HELLS: variants seen among roughly 807,000 people sequenced by gnomAD.
HELLS encodes the protein helicase, lymphoid specific.
Under a neutral mutation model 120.0 loss-of-function variants are expected in HELLS, and 32 were observed. That is an observed-to-expected ratio of 0.27 (90% CI 0.20 to 0.36). The LOEUF is 0.36. Ranked by LOEUF, HELLS falls within the 10% of genes least tolerant of loss-of-function variation. The pLI is 1.00. For synonymous variants in HELLS, 341 were observed against 323.4 expected, an observed-to-expected ratio of 1.05 and a Z score of -0.58; for missense variants, 650 against 993.4, an observed-to-expected ratio of 0.65 and a Z score of 4.65.
At chr10:94,559,918 G>C (rs547313899) in intron 4 of HELLS, among the ~76,000 whole-genome samples, 1 of 152,252 alleles carries the variant, frequency 6.6e-6, no homozygotes, top group Admixed American at 6.5e-5. Context: ...TGATTTTATC[G>C]AACCACAAGT....
At chr10:94,594,607 T>C (rs1415076826) in intron 18 of HELLS, 88 bp from the exon 19 acceptor site, 3 of 981,420 alleles carry the variant, frequency 3.1e-6, no homozygotes, top group Non-Finnish European at 4.4e-6. Flanking sequence ...AGTTCCTGGC[T>C]AGATCATTCA....
At chr10:94,597,837 G>A (rs1015257570) in intron 21 of HELLS, among the ~76,000 whole-genome samples, 6 of 152,194 alleles carry the variant, frequency 3.9e-5, no homozygotes, top group East Asian at 1.9e-4. Flanking sequence ...CAAGCCTAAC[G>A]TGGTGATTTT....
chr10:94,582,944 A>C lies in HELLS; in HGVS notation c.1230-19A>C. The stretch of plus-strand genomic sequence containing the variant: ...ATTGAATTTATGTGATGGTTAACTT[A>C]AACATTTTTCTCTTCCAGCTTTGAG... On this transcript the variant is annotated intron_variant, in intron 11 of 21. Transcript: ENST00000348459. The C allele has an allele frequency of 2.1e-6, 3 of 1,423,824 alleles. No individual in the cohort carries two copies. In the African/African-American group the frequency reaches 4.3e-5, roughly 20 times the overall value. 88.2% of individuals were successfully genotyped at this position (1,423,824 alleles called of 1,614,324 possible).
intron 12 of HELLS, among the ~76,000 whole-genome samples, chr10:94,587,002 T>C (rs1845197581): frequency 6.6e-6 from 1 of 152,158 alleles, no homozygotes; most frequent in South Asian, 2.1e-4. Flanking sequence ...ACCTAGAGTA[T>C]ACAATGATTT....
rs763888208 is a variant in HELLS, at chr10:94,601,592, T to G, written c.2487T>G (p.Ser829=). ...GGATATTCAAGATATTAGAAAATTC[T>G]GAAGATTCCAGTCCTGAATGTTTGT... ...KMGIFKILEN[S]EDSSPECLF The change falls in exon 22 of 22, where the codon TCT becomes TCG. Residue 829 remains serine (S), a synonymous_variant. Transcript: ENST00000348459. 1.9e-6 allele frequency: 3 copies of G among 1,584,336 alleles called. No individual in the cohort carries two copies. The highest frequency in any genetic ancestry group is 2.6e-6 in the Non-Finnish European group (3 of 1,158,152).
chr10:94,565,784 T>A (rs1446963771), intron 6 of HELLS, among the ~76,000 whole-genome samples: 1 of 152,204 alleles, frequency 6.6e-6, no homozygotes, highest in Non-Finnish European at 1.5e-5. Flanking sequence ...GAATATCGGT[T>A]TTGGGCAAAC....
intron 12 of HELLS, among the ~76,000 whole-genome samples, 200 bp from the exon 13 acceptor site, chr10:94,588,029 A>C (rs1276500765): frequency 6.6e-6 from 1 of 152,200 alleles, no homozygotes; most frequent in Non-Finnish European, 1.5e-5. Context: ...AAAGAAAATA[A>C]ATTCTGAAAT....
intron 12 of HELLS, among the ~76,000 whole-genome samples, chr10:94,586,990 C>T (rs191503017): frequency 1.4e-3 from 212 of 152,142 alleles, no homozygotes; most frequent in Non-Finnish European, 2.4e-3. Flanking sequence ...CTACTGCGTC[C>T]GACCTAGAGT....
In HELLS at chr10:94,598,220, G is replaced by A. The variant is rs543980997; in HGVS notation, c.2422+1109G>A. On this transcript the variant is annotated intron_variant, in intron 21 of 21. Coordinates refer to ENST00000348459, the MANE Select transcript of HELLS (RefSeq NM_018063.5). ...AATCTTTTTTTCCCAACTGTATTCC[G>A]TGACATTTTGGTCTTTTGAAATTGG... Among the ~76,000 whole-genome samples, 8 of 152,062 alleles carry A rather than the reference G, an allele frequency of 5.3e-5. No individual in the cohort carries two copies. In the East Asian group the frequency reaches 1.2e-3, roughly 22 times the overall value.
At chr10:94,596,006 A>G (rs1383649778) in intron 19 of HELLS, among the ~76,000 whole-genome samples, 2 of 152,138 alleles carry the variant, frequency 1.3e-5, no homozygotes, top group East Asian at 3.9e-4. Context: ...TTTTTTTTTA[A>G]GAGACCATTT....
downstream of HELLS, among the ~76,000 whole-genome samples, chr10:94,602,913 C>G (rs1284164117): frequency 6.6e-6 from 1 of 152,140 alleles, no homozygotes; most frequent in African/African-American, 2.4e-5. Context: ...GTGACCCAGT[C>G]TTTCCTGTTA....
intron 12 of HELLS, among the ~76,000 whole-genome samples, chr10:94,586,982 A>C (rs910200283): frequency 5.3e-5 from 8 of 152,044 alleles, no homozygotes; most frequent in Non-Finnish European, 1.0e-4. Context: ...GGTGTGAGCT[A>C]CTGCGTCCGA....
intron 12 of HELLS, among the ~76,000 whole-genome samples, chr10:94,584,561 C>T (rs1845027549): frequency 1.3e-5 from 2 of 151,966 alleles, no homozygotes; most frequent in Non-Finnish European, 2.9e-5. Context: ...TATAGTGTAG[C>T]AAAGGATTAA....
At position 94,576,822 on chromosome 10, in the gene HELLS, T is replaced by C. The variant is rs371278322; in HGVS notation, c.1032+17T>C. 19 of 1,579,386 alleles carry C rather than the reference T, an allele frequency of 1.2e-5. No individual in the cohort carries two copies. The highest frequency in any genetic ancestry group is 3.7e-5 in the Admixed American group (2 of 54,198). ...GCGTTACAGGTACAAATGATCTTCA[T>C]TGGTTTCTTTGTAATACATAAAACA... is the stretch of plus-strand genomic sequence containing the variant. On this transcript the variant is annotated intron_variant, in intron 10 of 21. Transcript: ENST00000348459.
At chr10:94,611,558 A>C (rs1006173021) in exon 10 of HELLS, 3 of 152,210 alleles carry the variant, frequency 2.0e-5, no homozygotes, top group African/African-American at 7.2e-5. Context: ...CTCAAACACT[A>C]ATCTCCAGGC....
In HELLS at chr10:94,592,466, C is replaced by T; in HGVS notation, c.1923C>T (p.Asn641=). The change falls in exon 17 of 22, where the codon AAC becomes AAT. Residue 641 remains asparagine (N), a synonymous_variant. Coordinates refer to ENST00000348459, the MANE Select transcript of HELLS (RefSeq NM_018063.5). ...ATTACTGCCATCTCAGAGATTTCAA[C>T]TTCAGCAGGCTTGATGGGTCCATGT... ...LMDYCHLRDF[N]FSRLDGSMSY... is the part of the protein sequence containing the mutation. The T allele has an allele frequency of 6.3e-7, 1 of 1,578,290 alleles. No individual in the cohort carries two copies. The highest frequency in any genetic ancestry group is 8.6e-7 in the Non-Finnish European group (1 of 1,166,868).
intron 9 of HELLS, among the ~76,000 whole-genome samples, chr10:94,575,765 TTGTGTTTGTGTGTGTGTGTGTGTG>T (rs1844428087): frequency 2.6e-5 from 1 of 38,702 alleles, no homozygotes; most frequent in African/African-American, 9.4e-5. Context: ...GGGGGGGGGG[TTGTGTTTGTGTGTGTGTGTGTGTG>T]TGTGTGTGTG....
chr10:94,590,288 C>A, intron 13 of HELLS, 125 bp from the exon 14 acceptor site: 1 of 807,718 alleles, frequency 1.2e-6, no homozygotes, highest in Non-Finnish European at 1.9e-6. Flanking sequence ...AACTAATTTC[C>A]CACAACATTT....
downstream of HELLS, among the ~76,000 whole-genome samples, chr10:94,603,264 C>G (rs765681289): frequency 7.2e-5 from 11 of 152,148 alleles, no homozygotes; most frequent in South Asian, 2.1e-4. Context: ...GAACCCATTC[C>G]AATCAGATAT....
Sources: allele counts gnomAD v4.1 joint callset (sites outside exome capture counted in the v4.1 genomes callset), GRCh38; gene constraint gnomAD v4.1.1; transcripts MANE v1.5; gene names NCBI Gene and HGNC (gene_info 2026-07-23, HGNC 2026-07-21).